Variants in RBFOX1 observed in about 807,000 individuals in gnomAD.
RBFOX1 encodes the protein RNA binding fox-1 homolog 1.
A neutral mutation model predicts 57.7 loss-of-function variants in RBFOX1; 8 were observed. The ratio of observed to expected loss-of-function variants is 0.14; its 90% CI spans 0.08 to 0.25. RBFOX1 has a LOEUF of 0.25. Ranked by LOEUF, RBFOX1 falls within the 10% of genes least tolerant of loss-of-function variation. RBFOX1 has a pLI of 1.00. For missense variants in RBFOX1, 611 were observed against 548.5 expected, an observed-to-expected ratio of 1.11 and a Z score of -1.14; for synonymous variants, 326 against 222.4, an observed-to-expected ratio of 1.47 and a Z score of -4.15.
At chr16:6,987,097 C>G (rs1456038229) in intron 3 of RBFOX1, among the ~76,000 whole-genome samples, 1 of 152,122 alleles carries the variant, frequency 6.6e-6, no homozygotes, top group Non-Finnish European at 1.5e-5. Context: ...TTAGCAGCTT[C>G]CATTTATCAG....
At chr16:6,073,241 T>C (rs1161927081) in intron 1 of RBFOX1, among the ~76,000 whole-genome samples, 1 of 152,228 alleles carries the variant, frequency 6.6e-6, no homozygotes, top group African/African-American at 2.4e-5. Flanking sequence ...ACTCACAGCA[T>C]GCATATTTAA....
chr16:5,949,687 T>G (rs905752078), intron 4 of RBFOX1, among the ~76,000 whole-genome samples: 3 of 152,188 alleles, frequency 2.0e-5, no homozygotes, highest in Admixed American at 2.0e-4. Context: ...GTCAAGCCAT[T>G]TGTTTTGTAG....
chr16:5,728,335 C>G (rs2052232147), intron 3 of RBFOX1, among the ~76,000 whole-genome samples: 1 of 152,084 alleles, frequency 6.6e-6, no homozygotes, highest in Admixed American at 6.6e-5. Context: ...GCTTTTTATC[C>G]CTATTGTCAA....
chr16:5,347,944 GCACTCATTCACCCATC>G (rs1385717194), intron 1 of RBFOX1, among the ~76,000 whole-genome samples: 1 of 97,998 alleles, frequency 1.0e-5, no homozygotes, highest in Non-Finnish European at 1.9e-5. Flanking sequence ...ACTCAATCAT[GCACTCATTCACCCATC>G]CACTCCCCAC....
chr16:6,323,799 G>T (rs1376349519), intron 2 of RBFOX1, among the ~76,000 whole-genome samples: 6 of 151,314 alleles, frequency 4.0e-5, no homozygotes, highest in African/African-American at 1.5e-4. Flanking sequence ...TTGAGATAGA[G>T]TCTCACTCTT....
chr16:5,289,306 A>C (rs1380151421), intron 1 of RBFOX1: 1 of 413,874 alleles, frequency 2.4e-6, no homozygotes. Flanking sequence ...TCCCATGGTC[A>C]GCCTCATTCC....
intron 2 of RBFOX1, among the ~76,000 whole-genome samples, chr16:6,510,349 A>T (rs1229697158): frequency 6.6e-6 from 1 of 152,148 alleles, no homozygotes; most frequent in Non-Finnish European, 1.5e-5. Context: ...GTGGAAGGTC[A>T]CATGTGATGC....
At chr16:7,433,914 G>A (rs1029841661) in intron 4 of RBFOX1, among the ~76,000 whole-genome samples, 2 of 152,218 alleles carry the variant, frequency 1.3e-5, no homozygotes, top group African/African-American at 4.8e-5. Context: ...TCAGAGAAAG[G>A]TGGTAGATAG....
intron 3 of RBFOX1, among the ~76,000 whole-genome samples, chr16:5,737,976 A>C (rs2151581867): frequency 6.6e-6 from 1 of 152,146 alleles, no homozygotes; most frequent in South Asian, 2.1e-4. Context: ...CATCTACATT[A>C]AGTATTTCTG....
chr16:7,609,037 A>C (rs1281693481), intron 10 of RBFOX1, among the ~76,000 whole-genome samples: 5 of 152,198 alleles, frequency 3.3e-5, no homozygotes, highest in African/African-American at 1.2e-4. Context: ...GCTGGGATGC[A>C]TCTTTGTGCA....
At chr16:5,864,609 T>A (rs187494028) in intron 3 of RBFOX1, among the ~76,000 whole-genome samples, 205 of 152,222 alleles carry the variant, frequency 1.3e-3, no homozygotes, top group African/African-American at 4.7e-3. Flanking sequence ...CGTTTTTCAT[T>A]AACAATATAT....
intron 4 of RBFOX1, among the ~76,000 whole-genome samples, chr16:7,459,849 A>G (rs1369591785): frequency 2.6e-5 from 4 of 152,204 alleles, no homozygotes; most frequent in African/African-American, 9.7e-5. Context: ...CACATTTATT[A>G]CTACTTTTAC....
At position 7,119,847 on chromosome 16, in the gene RBFOX1, A is replaced by G. The variant is rs557096810; in HGVS notation, c.27+67749A>G. On this transcript the variant is annotated intron_variant, in intron 4 of 15. Coordinates refer to ENST00000550418, the MANE Select transcript of RBFOX1 (RefSeq NM_018723.4). The stretch of plus-strand genomic sequence containing the variant: ...AAGTACTGAACAACACCATCAGCCA[A>G]CAAAACATAGTTAAAATGTGTAATC... Among the ~76,000 whole-genome samples, 29 of 152,306 alleles carry G rather than the reference A, an allele frequency of 1.9e-4. 1 individual carries two copies. The highest frequency in any genetic ancestry group is 6.5e-4 in the African/African-American group (27 of 41,578).
At chr16:6,492,276 T>C (rs1462204189) in intron 2 of RBFOX1, among the ~76,000 whole-genome samples, 1 of 152,166 alleles carries the variant, frequency 6.6e-6, no homozygotes, top group East Asian at 1.9e-4. Flanking sequence ...GGAATTCTTA[T>C]TTTGAAAAAG....
intron 1 of RBFOX1, among the ~76,000 whole-genome samples, chr16:6,123,731 C>T (rs2096568370): frequency 6.6e-6 from 1 of 152,046 alleles, no homozygotes; most frequent in Admixed American, 6.6e-5. Context: ...ATGGCAAAAT[C>T]CCGTCTTTAC....
At chr16:7,504,737 A>ATATATATATATTTATATATATATATT (rs2072351901) in intron 4 of RBFOX1, among the ~76,000 whole-genome samples, 1 of 6,492 alleles carries the variant, frequency 1.5e-4, no homozygotes, top group African/African-American at 3.8e-4. Context: ...ATATATATAT[A>ATATATATATATTTATATATATATATT]TATATATATA....
In RBFOX1 at chr16:6,129,009, G is replaced by C. The variant is rs536874899; in HGVS notation, c.-127+109017G>C. On this transcript the variant is annotated intron_variant, in intron 1 of 15. Transcript: ENST00000550418. Reference sequence around the variant, plus strand: ...CACAACAGGATCAAATGACACTCTAGTCATTTAACCACTTGCATGAACAAA... The same window carrying C: ...CACAACAGGATCAAATGACACTCTACTCATTTAACCACTTGCATGAACAAA... Among the ~76,000 whole-genome samples, 3 of 152,296 alleles carry C rather than the reference G, an allele frequency of 2.0e-5. No individual in the cohort carries two copies. In the East Asian group the frequency reaches 5.8e-4, roughly 29 times the overall value.
intron 3 of RBFOX1, chr16:5,632,569 A>G (rs935632966): frequency 6.6e-6 from 1 of 152,180 alleles, no homozygotes; most frequent in African/African-American, 2.4e-5. Context: ...ATGTAATTAC[A>G]CACAATATCA....
intron 3 of RBFOX1, among the ~76,000 whole-genome samples, chr16:5,741,789 G>A (rs141596694): frequency 1.5e-4 from 23 of 152,222 alleles, no homozygotes; most frequent in East Asian, 1.2e-3. Flanking sequence ...AGAAACTTTC[G>A]TTAAAGAAAT....
Sources: gnomAD v4.1 joint callset for allele counts (sites outside exome capture counted in the v4.1 genomes callset) on GRCh38, gnomAD v4.1.1 for gene constraint, MANE v1.5 for transcripts, NCBI Gene and HGNC (gene_info 2026-07-23, HGNC 2026-07-21) for gene names.